Variants in TRPM1 observed in about 807,000 individuals in gnomAD.
TRPM1 encodes the protein TRPM1-203 APA Isoform, Intron 10.
Under a neutral mutation model 149.4 loss-of-function variants are expected in TRPM1, and 113 were observed. The observed-to-expected ratio is 0.76, with a 90% CI of 0.65 to 0.88. TRPM1 has a LOEUF of 0.88. Ranked by LOEUF, TRPM1 falls within the 40% of genes least tolerant of loss-of-function variation. The probability of loss-of-function intolerance (pLI) is 0.00; values close to 1 mark genes in which losing one functional copy is unlikely to be tolerated. For missense variants in TRPM1, 1,976 were observed against 2,038.7 expected (o/e 0.97, Z 0.59); for synonymous variants, 741 against 759.5 (o/e 0.98, Z 0.40).
At chr15:31,035,814 A>G in intron 20 of TRPM1, 140 bp from the exon 21 acceptor site, 1 of 1,208,418 alleles carries the variant, frequency 8.3e-7, no homozygotes, top group Non-Finnish European at 1.2e-6. Flanking sequence ...GGAAACCTTC[A>G]CTGCACCTCA....
In TRPM1 at chr15:31,040,356, A is replaced by C. The variant is rs1293971420; in HGVS notation, c.2088-10T>G. 1 of 1,612,968 alleles carries C rather than the reference A, an allele frequency of 6.2e-7. No homozygotes were observed. The highest frequency in any genetic ancestry group is 8.5e-7 in the Non-Finnish European group (1 of 1,179,044). On this transcript the variant is annotated splice_polypyrimidine_tract_variant and intron_variant, in intron 17 of 27. Transcript: ENST00000256552. The surrounding 1 kb of genome is among the most constrained non-coding windows in gnomAD (Gnocchi z 4.2). ...AAGCTGGCCGAAGTCTCTGGGGGGA[A>C]AGAGAAGGGACCAGGGTGAAGCCAC...
intron 9 of TRPM1, 108 bp downstream of exon 9, chr15:31,062,471 G>A (rs1029474236): frequency 1.4e-6 from 2 of 1,432,520 alleles, no homozygotes; most frequent in Non-Finnish European, 9.7e-7. Flanking sequence ...CTCAGAAAAG[G>A]CCGGACTAAA....
At chr15:31,098,706 A>G (rs982346894) in intron 1 of TRPM1, among the ~76,000 whole-genome samples, 12 of 152,164 alleles carry the variant, frequency 7.9e-5, no homozygotes, top group Admixed American at 6.5e-4. Context: ...GCCACCTGCC[A>G]TGAGCGTTAC....
chr15:31,120,894 C>A (rs1462298404), intron 1 of TRPM1, among the ~76,000 whole-genome samples: 3 of 151,962 alleles, frequency 2.0e-5, no homozygotes, highest in Non-Finnish European at 1.5e-5. Context: ...GAAAGCAGTG[C>A]TTAGAGAGAA....
At chr15:31,160,147 G>A (rs900575388) in intron 1 of TRPM1, among the ~76,000 whole-genome samples, 2 of 152,176 alleles carry the variant, frequency 1.3e-5, no homozygotes, top group African/African-American at 4.8e-5. Flanking sequence ...TGCATGCGAG[G>A]GGCAGTCAGG....
chr15:31,152,776 G>A (rs1322135311), intron 1 of TRPM1, among the ~76,000 whole-genome samples: 1 of 152,102 alleles, frequency 6.6e-6, no homozygotes, highest in Non-Finnish European at 1.5e-5. Flanking sequence ...CCAAGTAGCT[G>A]GGACCACAGG....
chr15:31,137,448 A>G (rs1399460615), intron 1 of TRPM1, among the ~76,000 whole-genome samples: 1 of 152,186 alleles, frequency 6.6e-6, no homozygotes, highest in Non-Finnish European at 1.5e-5. Context: ...CAGAATGACA[A>G]TGGCTGTTAT....
rs559555955 is a variant in TRPM1, at chr15:31,089,547, G to A, written c.-83-8109C>T. 1.3e-3 allele frequency among the ~76,000 whole-genome samples: 198 copies of A among 152,312 alleles called. 1 individual carries two copies. The highest frequency in any genetic ancestry group is 1.7e-3 in the East Asian group (9 of 5,192). On this transcript the variant is annotated intron_variant, in intron 1 of 27. Transcript: ENST00000256552. ...CACATTCCCGGGCAGCGGTGGATGGGGGGCCGAGACAGGCCTGAGCGGCAC... is the reference window on the plus strand; with the variant it reads ...CACATTCCCGGGCAGCGGTGGATGGAGGGCCGAGACAGGCCTGAGCGGCAC...
chr15:31,031,301 T>A (rs2033067668), intron 22 of TRPM1, 144 bp from the exon 23 acceptor site: 1 of 876,726 alleles, frequency 1.1e-6, no homozygotes, highest in Admixed American at 2.0e-5. Flanking sequence ...TTTCTTCCCA[T>A]CCCTGGGAAG....
chr15:31,042,796 G>C (rs921071292), intron 16 of TRPM1, among the ~76,000 whole-genome samples: 1 of 152,172 alleles, frequency 6.6e-6, no homozygotes, highest in Non-Finnish European at 1.5e-5. Context: ...GGTGCAAAAA[G>C]GAAGGCCAAT....
chr15:31,041,832 GA>G (rs2033626114), intron 17 of TRPM1, 118 bp downstream of exon 17: 2 of 1,141,750 alleles, frequency 1.8e-6, no homozygotes, highest in Non-Finnish European at 1.3e-6. Context: ...AGTGATTTGT[GA>G]ACAAGCTTTA....
At chr15:31,139,162 TGG>T (rs2036127088) in intron 1 of TRPM1, among the ~76,000 whole-genome samples, 1 of 152,216 alleles carries the variant, frequency 6.6e-6, no homozygotes, top group Non-Finnish European at 1.5e-5. Context: ...TTGCAGCTTC[TGG>T]GGCCATAACT....
intron 7 of TRPM1, among the ~76,000 whole-genome samples, chr15:31,064,748 C>T (rs1039251185): frequency 3.9e-5 from 6 of 152,180 alleles, no homozygotes; most frequent in Non-Finnish European, 8.8e-5. Context: ...GGTGTTTCTA[C>T]AGTCAGGGAC....
chr15:31,013,707 T>C (rs1004334424), intron 27 of TRPM1, among the ~76,000 whole-genome samples: 1 of 152,154 alleles, frequency 6.6e-6, no homozygotes, highest in Non-Finnish European at 1.5e-5. Context: ...TATTGCTTAG[T>C]GTAGTTGTTG....
intron 3 of TRPM1, 61 bp downstream of exon 3, chr15:31,076,844 T>C (rs1442187782): frequency 4.6e-6 from 6 of 1,303,170 alleles, no homozygotes. Context: ...CTTACAAACA[T>C]GAGAATAGTG....
intron 1 of TRPM1, among the ~76,000 whole-genome samples, chr15:31,145,264 C>T (rs1226394668): frequency 1.3e-5 from 2 of 152,164 alleles, no homozygotes; most frequent in African/African-American, 2.4e-5. Flanking sequence ...AAACTGGAAG[C>T]CAGGACAACA....
chr15:31,020,825 T>C (rs2032527974), intron 27 of TRPM1, among the ~76,000 whole-genome samples: 1 of 152,182 alleles, frequency 6.6e-6, no homozygotes, highest in South Asian at 2.1e-4. Context: ...CTTGGTCTTC[T>C]GGTAGGCTTA....
At chr15:31,110,319 T>C (rs576077656) in intron 1 of TRPM1, among the ~76,000 whole-genome samples, 33 of 152,296 alleles carry the variant, frequency 2.2e-4, no homozygotes, top group Non-Finnish European at 4.3e-4. Flanking sequence ...TTTGGTGTCG[T>C]TGTAAAAGAT....
At chr15:31,051,129 T>C (rs895857104) in intron 11 of TRPM1, among the ~76,000 whole-genome samples, 1 of 151,668 alleles carries the variant, frequency 6.6e-6, no homozygotes, top group Admixed American at 6.6e-5. Flanking sequence ...ATGCATGCAA[T>C]GCGGTGACAG....
Sources: gnomAD v4.1 joint callset for allele counts (sites outside exome capture counted in the v4.1 genomes callset) on GRCh38, gnomAD v4.1.1 for gene constraint, Gnocchi (gnomAD v3.1) non-coding constraint, MANE v1.5 for transcripts, NCBI Gene and HGNC (gene_info 2026-07-23, HGNC 2026-07-21) for gene names.